Variants in PIK3R3 observed in about 807,000 individuals in gnomAD.
PIK3R3 encodes the protein phosphoinositide-3-kinase regulatory subunit 3, also known as phosphatidylinositol 3-kinase regulatory subunit gamma.
PIK3R3 carries 64 observed loss-of-function variants against 62.9 expected under a neutral mutation model. That is an observed-to-expected ratio of 1.02 (90% CI 0.83 to 1.25). The LOEUF (loss-of-function observed/expected upper bound fraction) is 1.25, where lower values mean the gene tolerates loss of function less well. Ranked by LOEUF, PIK3R3 falls within the 50% of genes most tolerant of loss-of-function variation. The pLI is 0.00. For missense variants in PIK3R3, 614 were observed against 561.6 expected (o/e 1.09, Z -0.94); for synonymous variants, 165 against 189.0 (o/e 0.87, Z 1.04).
intron 6 of PIK3R3, among the ~76,000 whole-genome samples, chr1:46,060,387 G>A (rs1648374111): frequency 6.6e-6 from 1 of 151,898 alleles, no homozygotes; most frequent in Non-Finnish European, 1.5e-5. Context: ...CGACTCAGGA[G>A]GCTGAGATAC....
At chr1:46,071,820 C>G (rs556636820) in intron 3 of PIK3R3, among the ~76,000 whole-genome samples, 1 of 148,280 alleles carries the variant, frequency 6.7e-6, no homozygotes, top group Admixed American at 6.8e-5. Flanking sequence ...CACCTACCTA[C>G]AACATTAAAT....
chr1:46,046,904 C>T, intron 7 of PIK3R3: 1 of 511,156 alleles, frequency 2.0e-6, no homozygotes, highest in Non-Finnish European at 3.5e-6. Context: ...TGTGCCACCA[C>T]AAGCACACAC....
At chr1:46,049,792 G>C (rs1229823703) in intron 7 of PIK3R3, among the ~76,000 whole-genome samples, 2 of 152,040 alleles carry the variant, frequency 1.3e-5, no homozygotes, top group African/African-American at 2.4e-5. Context: ...AACCAGGCCA[G>C]TGGGAGCTTG....
At position 46,040,637 on chromosome 1, in the gene PIK3R3, C is replaced by A. The variant is rs1372670841; in HGVS notation, c.*3036G>T. The A allele has an allele frequency of 9.2e-6, 2 of 218,436 alleles. No homozygotes were observed. The highest frequency in any genetic ancestry group is 1.8e-5 in the Non-Finnish European group (2 of 108,720). The allele number at this position is 218,436 out of a possible 1,614,324, so 13.5% of individuals were successfully genotyped here. A position where few individuals can be genotyped will look rare whatever the true frequency, so the allele number is the denominator to read the frequency against. On this transcript the variant is annotated 3_prime_UTR_variant, in exon 10 of 10. Coordinates refer to ENST00000262741, the MANE Select transcript of PIK3R3 (RefSeq NM_003629.4). ...CCTACTCTGGGTTGTTAAATAGCAG[C>A]AGAGACCACCTTAGAAAACAGGAAT... is the stretch of plus-strand genomic sequence containing the variant.
chr1:46,168,711 C>T, the PIK3R3 span, among the ~76,000 whole-genome samples: 1 of 152,228 alleles, frequency 6.6e-6, no homozygotes, highest in Non-Finnish European at 1.5e-5. Flanking sequence ...CTGGTGTCAA[C>T]ACATCATGAT....
At chr1:46,131,492 G>A (rs1437471658) in intron 1 of PIK3R3, among the ~76,000 whole-genome samples, 1 of 152,152 alleles carries the variant, frequency 6.6e-6, no homozygotes, top group Non-Finnish European at 1.5e-5. Context: ...TCCTTTGCAG[G>A]TAGAAGAGTC....
intron 1 of PIK3R3, among the ~76,000 whole-genome samples, chr1:46,102,221 G>C (rs1355821326): frequency 6.6e-6 from 1 of 151,938 alleles, no homozygotes; most frequent in Non-Finnish European, 1.5e-5. Context: ...TCCTGACCTC[G>C]TGATCCGCCC....
intron 1 of PIK3R3, among the ~76,000 whole-genome samples, chr1:46,114,748 G>A (rs1398669184): frequency 1.3e-5 from 2 of 148,432 alleles, no homozygotes; most frequent in Non-Finnish European, 3.0e-5. Context: ...GAGACTACAG[G>A]CATACACCAC....
chr1:46,095,182 T>C (rs989111872), intron 1 of PIK3R3, among the ~76,000 whole-genome samples: 7 of 152,206 alleles, frequency 4.6e-5, no homozygotes, highest in Non-Finnish European at 2.9e-5. Context: ...CATGCATGTG[T>C]ATGTTCATTG....
chr1:46,133,646 C>G (rs1008713128), upstream of PIK3R3, among the ~76,000 whole-genome samples: 2 of 152,130 alleles, frequency 1.3e-5, no homozygotes, highest in Non-Finnish European at 2.9e-5. Flanking sequence ...CTACCTGACC[C>G]CACTCCCTGC....
chr1:46,131,892 G>T lies in PIK3R3; in HGVS notation c.61C>A (p.Pro21Thr). The part of the protein sequence containing the change: ...DDADWREVMM[P>T]YSTELIFYIE... Reference sequence around the variant, plus strand: ...TAAAATATCAGTTCTGTCGAATAGGGCATCATCACCTCCCTCCAGTCTGCG... The same window carrying T: ...TAAAATATCAGTTCTGTCGAATAGGTCATCATCACCTCCCTCCAGTCTGCG... Residue 21 changes from proline (P) to threonine (T), a missense_variant, in exon 1 of 10, where the codon CCC (proline) becomes ACC (threonine). Coordinates refer to ENST00000262741, the MANE Select transcript of PIK3R3 (RefSeq NM_003629.4). 1.2e-6 allele frequency: 2 copies of T among 1,612,982 alleles called. No individual in the cohort carries two copies. The highest frequency in any genetic ancestry group is 8.5e-7 in the Non-Finnish European group (1 of 1,179,248).
At chr1:46,125,712 T>C (rs1655029700) in intron 1 of PIK3R3, among the ~76,000 whole-genome samples, 1 of 152,126 alleles carries the variant, frequency 6.6e-6, no homozygotes, top group Non-Finnish European at 1.5e-5. Context: ...CACCAAACTA[T>C]ATAGTCTAAT....
chr1:46,108,840 C>A (rs1269478068), intron 1 of PIK3R3, among the ~76,000 whole-genome samples: 1 of 152,154 alleles, frequency 6.6e-6, no homozygotes, highest in Non-Finnish European at 1.5e-5. Flanking sequence ...AAACATAACA[C>A]ATGCTTAACT....
intron 1 of PIK3R3, among the ~76,000 whole-genome samples, chr1:46,107,534 G>A (rs1321558641): frequency 5.3e-5 from 8 of 152,142 alleles, no homozygotes; most frequent in Admixed American, 6.5e-5. Context: ...CAGCCTGGGT[G>A]ACAGAGCGAG....
intron 1 of PIK3R3, among the ~76,000 whole-genome samples, chr1:46,092,928 G>GCT (rs1651779341): frequency 6.6e-6 from 1 of 151,720 alleles, no homozygotes; most frequent in Admixed American, 6.6e-5. Context: ...TGCTTTTACT[G>GCT]CTCTCTCTCT....
intron 5 of PIK3R3, 70 bp downstream of exon 5, chr1:46,065,984 G>A: frequency 7.3e-7 from 1 of 1,375,832 alleles, no homozygotes; most frequent in Non-Finnish European, 1.0e-6. Context: ...ATCATCAAGT[G>A]AATGATCGAA....
chr1:46,156,793 A>G, the PIK3R3 span, among the ~76,000 whole-genome samples: 1 of 152,038 alleles, frequency 6.6e-6, no homozygotes, highest in Admixed American at 6.6e-5. Context: ...TTCCCTCCAG[A>G]CCCTGGAAGC....
At chr1:46,083,756 C>T (rs553365516) in intron 1 of PIK3R3, among the ~76,000 whole-genome samples, 1 of 152,156 alleles carries the variant, frequency 6.6e-6, no homozygotes, top group African/African-American at 2.4e-5. Context: ...ACTAGGATGA[C>T]TATAATAAAA....
chr1:46,138,551 T>G, the PIK3R3 span, among the ~76,000 whole-genome samples: 1 of 152,196 alleles, frequency 6.6e-6, no homozygotes, highest in African/African-American at 2.4e-5. Context: ...TCCCAGCTAC[T>G]TGGGAGGCTG....
Sources: allele counts gnomAD v4.1 joint callset (sites outside exome capture counted in the v4.1 genomes callset), GRCh38; gene constraint gnomAD v4.1.1; transcripts MANE v1.5; gene names NCBI Gene and HGNC (gene_info 2026-07-23, HGNC 2026-07-21).